Variants in STARD13 observed in about 807,000 individuals in gnomAD.
STARD13 encodes stAR-related lipid transfer protein 13.
STARD13 carries 62 observed loss-of-function variants against 106.4 expected under a neutral mutation model. That is an observed-to-expected ratio of 0.58 (90% CI 0.48 to 0.72). The LOEUF (loss-of-function observed/expected upper bound fraction) is 0.72. STARD13 is among the 30% of genes least tolerant of loss of function. STARD13 has a pLI of 0.00. For missense variants in STARD13, 1,387 were observed against 1,424.0 expected (o/e 0.97, Z 0.42); for synonymous variants, 565 against 553.0 (o/e 1.02, Z -0.31).
At chr13:33,663,938 C>T in the STARD13 span, among the ~76,000 whole-genome samples, 1 of 152,326 alleles carries the variant, frequency 6.6e-6, no homozygotes, top group Non-Finnish European at 1.5e-5. Context: ...CCGTAATGAC[C>T]AGTTCTGCCC....
the STARD13 span, among the ~76,000 whole-genome samples, chr13:33,358,190 T>C: frequency 6.6e-6 from 1 of 152,200 alleles, no homozygotes; most frequent in African/African-American, 2.4e-5. Flanking sequence ...GCGCTCGATT[T>C]CTCGCCGGGC....
At chr13:33,165,553 T>G (rs1883221312) in intron 2 of STARD13, 135 bp from the exon 3 acceptor site, 1 of 677,758 alleles carries the variant, frequency 1.5e-6, no homozygotes. Flanking sequence ...TGGGAATGTT[T>G]AAGAGAGCAA....
At chr13:33,628,069 A>ACAGT in the STARD13 span, among the ~76,000 whole-genome samples, 1 of 150,542 alleles carries the variant, frequency 6.6e-6, no homozygotes, top group Non-Finnish European at 1.5e-5. Flanking sequence ...TATTTCTAAG[A>ACAGT]CAGTCATCTT....
At chr13:33,424,259 C>A in the STARD13 span, among the ~76,000 whole-genome samples, 1 of 152,032 alleles carries the variant, frequency 6.6e-6, no homozygotes, top group Admixed American at 6.6e-5. Context: ...TAACTTCTCT[C>A]GCCAGTATCT....
chr13:33,401,517 T>C, the STARD13 span, among the ~76,000 whole-genome samples: 1 of 152,202 alleles, frequency 6.6e-6, no homozygotes, highest in Non-Finnish European at 1.5e-5. Context: ...TTGTTCAACT[T>C]TAGGCCAACT....
the STARD13 span, among the ~76,000 whole-genome samples, chr13:33,536,421 G>A: frequency 2.0e-5 from 3 of 152,262 alleles, no homozygotes; most frequent in Admixed American, 2.0e-4. Context: ...CGAAGCTTAG[G>A]AAATAAGAGT....
Position 33,231,416 on chromosome 13 carries a change from G to A in STARD13, c.169+54054C>T, listed in dbSNP as rs142946031. ...GACTGGGTATGAGCTCTGGTGCTTC[G>A]TAGTCCTGGGACTCCTATAACACAC... On this transcript the variant is annotated intron_variant, in intron 1 of 13. Transcript: ENST00000336934. Among the ~76,000 whole-genome samples, 354 of 152,266 alleles carry A rather than the reference G, an allele frequency of 2.3e-3. 4 individuals are homozygous for A. Among genetic ancestry groups the A allele is most frequent in the East Asian group, 8.3e-3 (43 of 5,182 alleles).
At chr13:33,630,776 G>C in the STARD13 span, among the ~76,000 whole-genome samples, 1 of 152,136 alleles carries the variant, frequency 6.6e-6, no homozygotes, top group African/African-American at 2.4e-5. Context: ...TTGGTACTGA[G>C]AGCCCATGAG....
chr13:33,519,749 C>T, the STARD13 span, among the ~76,000 whole-genome samples: 1 of 152,088 alleles, frequency 6.6e-6, no homozygotes, highest in African/African-American at 2.4e-5. Context: ...AGAAAATCAA[C>T]AGTGGAGAGA....
At chr13:33,329,643 T>TTGTGTGTGTGTATGTG (rs1394298799) in intron 1 of STARD13, among the ~76,000 whole-genome samples, 1 of 103,912 alleles carries the variant, frequency 9.6e-6, no homozygotes, top group Non-Finnish European at 2.0e-5. Flanking sequence ...TAATATTCCA[T>TTGTGTGTGTGTATGTG]TGTGTGTGTG....
At position 33,130,500 on chromosome 13, in the gene STARD13, TC is replaced by T. The variant is rs1878131133; in HGVS notation, c.388-212del. 6.6e-6 allele frequency among the ~76,000 whole-genome samples: 1 copy of T among 152,188 alleles called. No homozygotes were observed. Among genetic ancestry groups the T allele is most frequent in the South Asian group, 2.1e-4 (1 of 4,818 alleles). ...TTCCTCCCAGTGGCCAGAGGACCCT[TC>T]TCAACTTGCCAAACTTTCTTCCTTC... On this transcript the variant is annotated intron_variant, in intron 4 of 13. Coordinates refer to ENST00000336934, the MANE Select transcript of STARD13 (RefSeq NM_178006.4). The surrounding 1 kb of genome is among the most constrained non-coding windows in gnomAD (Gnocchi z 4.1).
At chr13:33,441,790 C>T in the STARD13 span, among the ~76,000 whole-genome samples, 7 of 152,194 alleles carry the variant, frequency 4.6e-5, no homozygotes, top group East Asian at 5.8e-4. Flanking sequence ...CTATATTCTA[C>T]GCCTGTGCTC....
At chr13:33,614,777 G>C in the STARD13 span, among the ~76,000 whole-genome samples, 3 of 152,188 alleles carry the variant, frequency 2.0e-5, no homozygotes, top group African/African-American at 7.2e-5. Context: ...AGCATCAAGT[G>C]CATGAGCCTG....
At chr13:33,423,620 T>C in the STARD13 span, among the ~76,000 whole-genome samples, 24 of 152,346 alleles carry the variant, frequency 1.6e-4, no homozygotes, top group South Asian at 2.1e-4. Context: ...TTATAAATCA[T>C]GCTACTATAA....
the STARD13 span, among the ~76,000 whole-genome samples, chr13:33,403,788 T>C: frequency 1.3e-5 from 2 of 152,198 alleles, no homozygotes; most frequent in African/African-American, 2.4e-5. Context: ...TTCTGCATTT[T>C]TCCCTCCCAA....
chr13:33,368,883 T>G, the STARD13 span, among the ~76,000 whole-genome samples: 1 of 152,104 alleles, frequency 6.6e-6, no homozygotes, highest in Non-Finnish European at 1.5e-5. Flanking sequence ...GCCCTTCCTA[T>G]ATTCCTTGTT....
chr13:33,106,973 G>C, intron 12 of STARD13, 39 bp from the exon 13 acceptor site: 1 of 1,574,742 alleles, frequency 6.4e-7, no homozygotes, highest in Non-Finnish European at 8.6e-7. Context: ...TCATGACTGA[G>C]GGAGGAAGAA....
chr13:33,343,477 G>A (rs1421419289), intron 1 of STARD13, among the ~76,000 whole-genome samples: 1 of 149,566 alleles, frequency 6.7e-6, no homozygotes, highest in Non-Finnish European at 1.5e-5. Flanking sequence ...TACTCGGAAG[G>A]CTGATGTGGG....
chr13:33,373,804 G>C, the STARD13 span, among the ~76,000 whole-genome samples: 1 of 151,904 alleles, frequency 6.6e-6, no homozygotes, highest in Admixed American at 6.6e-5. Context: ...GTGTTGGTGA[G>C]AATGTAGAGA....
Sources: gnomAD v4.1 joint callset for allele counts (sites outside exome capture counted in the v4.1 genomes callset) on GRCh38, gnomAD v4.1.1 for gene constraint, Gnocchi (gnomAD v3.1) non-coding constraint, MANE v1.5 for transcripts, NCBI Gene and HGNC (gene_info 2026-07-23, HGNC 2026-07-21) for gene names.